The following GLRA2 variants were observed in gnomAD, a reference collection of about 807,000 sequenced individuals.
The protein encoded by GLRA2 is glycine receptor subunit alpha-2.
GLRA2 carries 11 observed loss-of-function variants against 31.6 expected under a neutral mutation model. The observed-to-expected ratio is 0.35, with a 90% CI of 0.22 to 0.58. The LOEUF is 0.58. Ranked by LOEUF, GLRA2 falls within the 20% of genes least tolerant of loss-of-function variation. GLRA2 has a pLI of 0.84. For synonymous variants in GLRA2, 132 were observed against 134.0 expected, an observed-to-expected ratio of 0.99 and a Z score of 0.10; for missense variants, 212 against 351.8, an observed-to-expected ratio of 0.60 and a Z score of 3.18.
chrX:14,679,899 T>C (rs770987211), intron 7 of GLRA2, among the ~76,000 whole-genome samples: 1 of 111,735 alleles, frequency 8.9e-6, no homozygotes, highest in East Asian at 2.8e-4. Flanking sequence ...GATTCTTAAG[T>C]GGTGAAGCAG....
intron 4 of GLRA2, among the ~76,000 whole-genome samples, chrX:14,583,508 A>G (rs1385304422): frequency 8.9e-6 from 1 of 112,196 alleles, no homozygotes; most frequent in Non-Finnish European, 1.9e-5. Flanking sequence ...GGAGGCCGAA[A>G]TGGGTGGATC....
intron 7 of GLRA2, among the ~76,000 whole-genome samples, chrX:14,672,617 C>T (rs1041916491): frequency 4.5e-5 from 5 of 111,499 alleles, no homozygotes; most frequent in African/African-American, 1.6e-4. Flanking sequence ...TATCAAAATG[C>T]TGCTCAACTA....
At chrX:14,698,151 ATTT>A (rs2091476047) in intron 8 of GLRA2, among the ~76,000 whole-genome samples, 1 of 111,451 alleles carries the variant, frequency 9.0e-6, no homozygotes, top group Admixed American at 9.5e-5. Flanking sequence ...ATCCTGTTTT[ATTT>A]TTTATTTAAT....
intron 2 of GLRA2, among the ~76,000 whole-genome samples, chrX:14,533,045 G>A (rs184166753): frequency 9.0e-6 from 1 of 110,844 alleles, no homozygotes; most frequent in South Asian, 3.8e-4. Flanking sequence ...TTAATAGTCT[G>A]CAGAAATGCT....
intron 7 of GLRA2, among the ~76,000 whole-genome samples, chrX:14,639,780 T>C (rs2090753443): frequency 8.9e-6 from 1 of 112,160 alleles, no homozygotes; most frequent in African/African-American, 3.2e-5. Context: ...AATCCCTGTT[T>C]GTTCACTTGC....
chrX:14,524,675 TC>T (rs2089182006), upstream of GLRA2, among the ~76,000 whole-genome samples: 1 of 111,439 alleles, frequency 9.0e-6, no homozygotes, highest in Non-Finnish European at 1.9e-5. Flanking sequence ...ATATTGGATA[TC>T]TTTTGACTCT....
At chrX:14,594,363 T>C (rs1877194428) in intron 4 of GLRA2, among the ~76,000 whole-genome samples, 1 of 111,610 alleles carries the variant, frequency 9.0e-6, no homozygotes, top group Non-Finnish European at 1.9e-5. Context: ...ATAGCTGTAA[T>C]ACTAGACGCA....
intron 7 of GLRA2, among the ~76,000 whole-genome samples, chrX:14,625,852 A>C (rs1476344372): frequency 9.0e-6 from 1 of 111,636 alleles, no homozygotes; most frequent in African/African-American, 3.3e-5. Context: ...TTTAAAGTTC[A>C]CATCAACCCA....
chrX:14,515,414 T>A, the GLRA2 span, among the ~76,000 whole-genome samples: 8 of 112,166 alleles, frequency 7.1e-5, no homozygotes, highest in African/African-American at 2.6e-4. Flanking sequence ...CCAGTTTTTT[T>A]AAATCAATTT....
chrX:14,576,574 TCTC>T (rs1466805116), intron 3 of GLRA2, among the ~76,000 whole-genome samples: 1 of 111,891 alleles, frequency 8.9e-6, no homozygotes, highest in Non-Finnish European at 1.9e-5. Flanking sequence ...TTTGATTAAA[TCTC>T]CTCATTGCAT....
chrX:14,689,628 G>T (rs2091322045), intron 7 of GLRA2, among the ~76,000 whole-genome samples: 1 of 111,924 alleles, frequency 8.9e-6, no homozygotes, highest in Non-Finnish European at 1.9e-5. Flanking sequence ...GGGATGAGTT[G>T]TTGTAAGGGT....
Position 14,652,113 on chromosome X carries a change from C to T in GLRA2, c.931-38597C>T, listed in dbSNP as rs765862336. On this transcript the variant is annotated intron_variant, in intron 7 of 8. Transcript: ENST00000218075. ...CCTTGATCCCAGACTTTCAGCTTCC[C>T]GAACTGTAAAAGAATGATTTTCTGT... 5.4e-5 allele frequency among the ~76,000 whole-genome samples: 6 copies of T among 111,648 alleles called. No individual in the cohort carries two copies. The South Asian group carries it at 1.1e-3, about 21-fold the overall frequency.
At chrX:14,564,301 A>G (rs1221736167) in intron 2 of GLRA2, among the ~76,000 whole-genome samples, 1 of 110,073 alleles carries the variant, frequency 9.1e-6, no homozygotes, top group South Asian at 3.9e-4. Flanking sequence ...AGACAATGGG[A>G]TGATATATTT....
the GLRA2 span, among the ~76,000 whole-genome samples, chrX:14,513,938 G>T: frequency 3.0e-4 from 34 of 111,709 alleles, no homozygotes; most frequent in African/African-American, 8.8e-4. Flanking sequence ...GGAAAAAAAA[G>T]TTATTATACA....
At chrX:14,454,649 T>G in the GLRA2 span, among the ~76,000 whole-genome samples, 28 of 110,315 alleles carry the variant, frequency 2.5e-4, no homozygotes, top group Non-Finnish European at 3.8e-5. Context: ...GTGATCCCCT[T>G]CCACTGTACC....
chrX:14,656,621 T>A (rs1383736691), intron 7 of GLRA2, among the ~76,000 whole-genome samples: 1 of 112,341 alleles, frequency 8.9e-6, no homozygotes, highest in Non-Finnish European at 1.9e-5. Context: ...CAAATGTGAA[T>A]GACTTCTAAC....
At chrX:14,600,064 A>C (rs930255243) in intron 4 of GLRA2, among the ~76,000 whole-genome samples, 8 of 111,276 alleles carry the variant, frequency 7.2e-5, no homozygotes, top group Non-Finnish European at 1.3e-4. Flanking sequence ...AAAAAAACCC[A>C]CTGAGTTCTC....
chrX:14,695,103 A>T (rs1327526935), intron 8 of GLRA2, among the ~76,000 whole-genome samples: 1 of 111,743 alleles, frequency 8.9e-6, no homozygotes, highest in Non-Finnish European at 1.9e-5. Flanking sequence ...ACCAGCAAAC[A>T]GATACTGTTT....
intron 8 of GLRA2, among the ~76,000 whole-genome samples, chrX:14,695,142 C>T (rs1311249947): frequency 9.7e-6 from 1 of 103,153 alleles, no homozygotes; most frequent in African/African-American, 3.5e-5. Flanking sequence ...TGAGATTACA[C>T]ATTGAGATAA....
Sources: allele counts gnomAD v4.1 joint callset (sites outside exome capture counted in the v4.1 genomes callset), GRCh38; gene constraint gnomAD v4.1.1; transcripts MANE v1.5; gene names NCBI Gene and HGNC (gene_info 2026-07-23, HGNC 2026-07-21).